Variants in MOB3A observed in about 807,000 individuals in gnomAD.
MOB3A encodes MOB LAK.
Under a neutral mutation model 17.8 loss-of-function variants are expected in MOB3A, and 17 were observed. The observed-to-expected ratio is 0.95, with a 90% CI of 0.65 to 1.43. MOB3A has a LOEUF of 1.43. Ranked by LOEUF, MOB3A falls within the 40% of genes most tolerant of loss-of-function variation. The probability of loss-of-function intolerance (pLI) is 0.00; values close to 1 mark genes in which losing one functional copy is unlikely to be tolerated. For missense variants in MOB3A, 333 were observed against 310.8 expected (o/e 1.07, Z -0.54); for synonymous variants, 124 against 133.2 (o/e 0.93, Z 0.48).
intron 2 of MOB3A, among the ~76,000 whole-genome samples, chr19:2,084,903 T>C (rs569750583): frequency 2.6e-5 from 4 of 152,050 alleles, no homozygotes; most frequent in African/African-American, 9.6e-5. Flanking sequence ...TTTTTTTTTA[T>C]TTAGAGACAG....
intron 1 of MOB3A, among the ~76,000 whole-genome samples, chr19:2,090,682 A>T (rs1599412502): frequency 6.6e-6 from 1 of 151,402 alleles, no homozygotes; most frequent in East Asian, 1.9e-4. Context: ...TTTTTTTTTT[A>T]AGACGGAGTC....
chr19:2,075,613 G>A (rs531374637), intron 4 of MOB3A, among the ~76,000 whole-genome samples: 27 of 152,314 alleles, frequency 1.8e-4, no homozygotes, highest in African/African-American at 6.5e-4. Context: ...GCAGGTTCCA[G>A]TGCCAGGCCC....
At chr19:2,089,759 G>C (rs540998808) in intron 1 of MOB3A, among the ~76,000 whole-genome samples, 3 of 152,064 alleles carry the variant, frequency 2.0e-5, no homozygotes, top group Non-Finnish European at 4.4e-5. Context: ...TGTGAGCAGG[G>C]AGCAGACTTG....
In MOB3A at chr19:2,078,479, G is replaced by T; in HGVS notation, c.82C>A (p.Arg28Ser). ...PKRKFEPGTQ[R>S]FELHKKAQAS... is the part of the protein sequence containing the mutation. ...TGCGCCTTCTTGTGCAGCTCGAAGCGCTGGGTGCCTGGCTCAAACTTGCGC... is the reference window on the plus strand; with the variant it reads ...TGCGCCTTCTTGTGCAGCTCGAAGCTCTGGGTGCCTGGCTCAAACTTGCGC... Residue 28 changes from arginine to serine, a missense_variant, in exon 3 of 5, where the codon CGC becomes AGC. Transcript: ENST00000357066. 1.2e-6 allele frequency: 2 copies of T among 1,610,230 alleles called. No individual in the cohort carries two copies. The highest frequency in any genetic ancestry group is 1.7e-6 in the Non-Finnish European group (2 of 1,177,060).
rs2017496597 is a variant in MOB3A at position 2,082,029 on chromosome 19, G to A, written c.-120+3146C>T. Among the ~76,000 whole-genome samples, 1 of 152,192 alleles carries A rather than the reference G, an allele frequency of 6.6e-6. No individual in the cohort carries two copies. The highest frequency in any genetic ancestry group is 2.4e-5 in the African/African-American group (1 of 41,454). ...GGGGACACTGCTCAGGGCAGCCTGG[G>A]CACAGGTGGCAGGAGGACTTGAGTC... On this transcript the variant is annotated intron_variant, in intron 2 of 4. Coordinates refer to ENST00000357066, the MANE Select transcript of MOB3A (RefSeq NM_130807.3). The surrounding 1 kb of genome is among the most constrained non-coding windows in gnomAD (Gnocchi z 4.1).
At chr19:2,078,051 T>G (rs1274894838) in intron 3 of MOB3A, 89 bp downstream of exon 3, 17 of 1,341,468 alleles carry the variant, frequency 1.3e-5, no homozygotes, top group Middle Eastern at 2.7e-4. Flanking sequence ...CCCAAAGCGC[T>G]GGCATTACGG....
At chr19:2,079,971 A>C (rs28725241) in intron 2 of MOB3A, among the ~76,000 whole-genome samples, 2,295 of 152,270 alleles carry the variant, frequency 0.015, 73 homozygotes, top group African/African-American at 0.051. Flanking sequence ...TTCTCAGGGG[A>C]CAGAGACAGA....
chr19:2,073,561 C>A, intron 4 of MOB3A, 137 bp from the exon 5 acceptor site: 1 of 1,119,956 alleles, frequency 8.9e-7, no homozygotes, highest in South Asian at 1.3e-5. Flanking sequence ...ACAAAAACCA[C>A]ACAGGCAATG....
rs1217757347 is a variant in MOB3A, at chr19:2,093,662, C to T, written c.-274+2564G>A. Reference sequence around the variant, plus strand: ...CGCACCTGGCCAGCACATCCCAATTCGGACCAGCCACATTGCAAGGCCTCC... The same window carrying T: ...CGCACCTGGCCAGCACATCCCAATTTGGACCAGCCACATTGCAAGGCCTCC... On this transcript the variant is annotated intron_variant, in intron 1 of 4. Coordinates refer to ENST00000357066, the MANE Select transcript of MOB3A (RefSeq NM_130807.3). This position sits in a 1 kb window ranked among gnomAD's most constrained non-coding sequence, Gnocchi z 4.6. Among the ~76,000 whole-genome samples, 1 of 152,104 alleles carries T rather than the reference C, an allele frequency of 6.6e-6. No homozygotes were observed. The highest frequency in any genetic ancestry group is 1.5e-5 in the Non-Finnish European group (1 of 68,020).
At chr19:2,087,356 C>G (rs2017565372) in intron 1 of MOB3A, among the ~76,000 whole-genome samples, 1 of 152,220 alleles carries the variant, frequency 6.6e-6, no homozygotes, top group Non-Finnish European at 1.5e-5. Context: ...TTTCCTCACC[C>G]CTAAAAGAAG....
In MOB3A at chr19:2,073,503, G is replaced by A. The variant is rs764758411; in HGVS notation, c.625-79C>T. 4.8e-5 allele frequency: 76 copies of A among 1,588,650 alleles called. 1 individual carries two copies. The South Asian group carries it at 6.4e-4, about 13-fold the overall frequency. The stretch of plus-strand genomic sequence containing the variant: ...ATGCGAACAGCAGACACACGGAGAC[G>A]CACAGGCAGAGAAACGGCAGCTGGG... On this transcript the variant is annotated intron_variant, in intron 4 of 4. Coordinates refer to ENST00000357066, the MANE Select transcript of MOB3A (RefSeq NM_130807.3).
At chr19:2,086,774 T>G (rs908841846) in intron 1 of MOB3A, among the ~76,000 whole-genome samples, 2 of 152,006 alleles carry the variant, frequency 1.3e-5, no homozygotes, top group African/African-American at 2.4e-5. Flanking sequence ...GTCACTGTTT[T>G]GTGCTTTTGT....
chr19:2,078,753 C>T (rs569799598), intron 2 of MOB3A, 74 bp from the exon 3 acceptor site: 24 of 566,358 alleles, frequency 4.2e-5, no homozygotes, highest in Non-Finnish European at 6.1e-5. Context: ...AGGGCACAAG[C>T]GGCAGGATTT....
At chr19:2,092,146 G>A (rs2017621671) in intron 1 of MOB3A, among the ~76,000 whole-genome samples, 4 of 144,502 alleles carry the variant, frequency 2.8e-5, no homozygotes, top group Admixed American at 2.1e-4. Context: ...TATCCCCCAG[G>A]CTGGAGTGCA....
At chr19:2,083,236 G>A (rs1187420407) in intron 2 of MOB3A, among the ~76,000 whole-genome samples, 1 of 152,224 alleles carries the variant, frequency 6.6e-6, no homozygotes, top group Admixed American at 6.5e-5. Flanking sequence ...GGCCACCTCT[G>A]TGCTTATGGT....
chr19:2,084,154 C>T (rs1386884919), intron 2 of MOB3A: 2 of 501,426 alleles, frequency 4.0e-6, no homozygotes, highest in Admixed American at 4.1e-5. Context: ...ACAGGGCAGC[C>T]CGAGGAGCTT....
intron 4 of MOB3A, among the ~76,000 whole-genome samples, chr19:2,075,032 CTTT>C (rs903527212): frequency 6.8e-5 from 9 of 133,192 alleles, no homozygotes; most frequent in Admixed American, 2.2e-4. Flanking sequence ...CTTTTCTTTT[CTTT>C]TTTTTTTTTT....
chr19:2,078,643 C>T lies in MOB3A; in HGVS notation c.-83G>A, dbSNP rs1046554928. On this transcript the variant is annotated 5_prime_UTR_variant, in exon 3 of 5. It adds an upstream start codon to the 5' untranslated region. Transcript: ENST00000357066. ...GGGTGCTGACCAACCCGAGAGGCCA[C>T]GAAACACTCACCAAGCCCCACAGCT... The T allele has an allele frequency of 3.4e-5, 46 of 1,369,836 alleles. No individual in the cohort carries two copies. Among genetic ancestry groups the T allele is most frequent in the South Asian group, 1.7e-4 (12 of 69,754 alleles). The allele number at this position is 1,369,836 out of a possible 1,614,324, so 84.9% of individuals were successfully genotyped here. A position where few individuals can be genotyped will look rare whatever the true frequency, so the allele number is the denominator to read the frequency against.
intron 1 of MOB3A, chr19:2,085,639 G>A (rs1316449881): frequency 6.6e-6 from 1 of 152,140 alleles, no homozygotes; most frequent in Non-Finnish European, 1.5e-5. Flanking sequence ...CCTCATACTT[G>A]GCTGGAAGAT....
Sources: allele counts gnomAD v4.1 joint callset (sites outside exome capture counted in the v4.1 genomes callset), GRCh38; gene constraint gnomAD v4.1.1; non-coding constraint Gnocchi (gnomAD v3.1); transcripts MANE v1.5; gene names NCBI Gene and HGNC (gene_info 2026-07-23, HGNC 2026-07-21).